Variants in TEAD1 observed in about 807,000 individuals in gnomAD.
The protein encoded by TEAD1 is TEA domain transcription factor 1, also known as transcriptional enhancer factor TEF-1.
TEAD1 carries 9 observed loss-of-function variants against 54.9 expected under a neutral mutation model. That is an observed-to-expected ratio of 0.16 (90% CI 0.10 to 0.29). The LOEUF (loss-of-function observed/expected upper bound fraction) is 0.29. Ranked by LOEUF, TEAD1 falls within the 10% of genes least tolerant of loss-of-function variation. The pLI is 1.00. For missense variants in TEAD1, 387 were observed against 535.9 expected, an observed-to-expected ratio of 0.72 and a Z score of 2.74; for synonymous variants, 200 against 187.8, an observed-to-expected ratio of 1.07 and a Z score of -0.53.
At chr11:12,835,064 TG>T (rs1564957249) in intron 3 of TEAD1, among the ~76,000 whole-genome samples, 1 of 152,178 alleles carries the variant, frequency 6.6e-6, no homozygotes, top group Non-Finnish European at 1.5e-5. Flanking sequence ...ATCACTTTCA[TG>T]GGGTTCAGAG....
At chr11:12,896,680 G>T (rs1281801132) in intron 9 of TEAD1, among the ~76,000 whole-genome samples, 2 of 152,198 alleles carry the variant, frequency 1.3e-5, no homozygotes, top group African/African-American at 4.8e-5. Context: ...ATATGTAGAA[G>T]TGGTGTTGAC....
rs1218202645 is a variant in TEAD1, at chr11:12,939,751, C to G, written c.*2529C>G. ...TCTAAGGATTTTTAAAAGTTTACTT[C>G]TTGTCTTGTTCTTCTAAAGCTTTCT... On this transcript the variant is annotated 3_prime_UTR_variant, in exon 13 of 13. Coordinates refer to ENST00000527636, the MANE Select transcript of TEAD1 (RefSeq NM_021961.6). 6.6e-6 allele frequency: 1 copy of G among 152,256 alleles called. No homozygotes were observed. The highest frequency in any genetic ancestry group is 1.5e-5 in the Non-Finnish European group (1 of 68,066). 9.4% of individuals were successfully genotyped at this position (152,256 alleles called of 1,614,324 possible). A position where few individuals can be genotyped will look rare whatever the true frequency, so the allele number is the denominator to read the frequency against.
At chr11:12,843,642 C>A (rs1327958099) in intron 3 of TEAD1, among the ~76,000 whole-genome samples, 2 of 152,152 alleles carry the variant, frequency 1.3e-5, no homozygotes, top group Admixed American at 6.5e-5. Context: ...TTCAAATCTG[C>A]AGGGTTTGGT....
intron 2 of TEAD1, among the ~76,000 whole-genome samples, chr11:12,748,427 G>T (rs1377199538): frequency 6.6e-6 from 1 of 152,176 alleles, no homozygotes; most frequent in Non-Finnish European, 1.5e-5. Flanking sequence ...CTAGAATGTT[G>T]GGGTTCTGGA....
chr11:12,934,685 G>T (rs1949069324), intron 12 of TEAD1, among the ~76,000 whole-genome samples: 1 of 151,910 alleles, frequency 6.6e-6, no homozygotes, highest in Non-Finnish European at 1.5e-5. Context: ...TCAGACATCA[G>T]TTTCACCTTG....
intron 3 of TEAD1, among the ~76,000 whole-genome samples, chr11:12,803,183 G>A (rs1432164035): frequency 6.6e-6 from 1 of 150,922 alleles, no homozygotes; most frequent in African/African-American, 2.4e-5. Context: ...CCCTTTCCCC[G>A]AGAGGCTTTC....
chr11:12,864,141 GTAT>G (rs926344329), intron 4 of TEAD1, among the ~76,000 whole-genome samples: 5 of 151,532 alleles, frequency 3.3e-5, no homozygotes, highest in African/African-American at 1.2e-4. Context: ...TTACATGTCA[GTAT>G]TATTTTAACG....
intron 3 of TEAD1, among the ~76,000 whole-genome samples, chr11:12,765,353 G>A (rs898238992): frequency 6.6e-6 from 1 of 152,126 alleles, no homozygotes; most frequent in African/African-American, 2.4e-5. Context: ...AATTGAGCAC[G>A]TTGAGTTGAC....
intron 3 of TEAD1, among the ~76,000 whole-genome samples, chr11:12,795,766 G>A (rs181767240): frequency 1.6e-3 from 248 of 152,308 alleles, no homozygotes; most frequent in South Asian, 2.3e-3. Flanking sequence ...TGGGTGTGCA[G>A]TCAGTTTGAT....
intron 11 of TEAD1, 139 bp downstream of exon 11, chr11:12,925,191 G>A (rs942766120): frequency 1.0e-6 from 1 of 977,024 alleles, no homozygotes; most frequent in African/African-American, 1.6e-5. Context: ...ACACTGCTAT[G>A]AAGAACTACC....
intron 3 of TEAD1, among the ~76,000 whole-genome samples, chr11:12,812,241 A>T (rs893595648): frequency 6.6e-6 from 1 of 152,114 alleles, no homozygotes; most frequent in African/African-American, 2.4e-5. Context: ...TCTTGCCACC[A>T]CTTATTCAGT....
intron 3 of TEAD1, among the ~76,000 whole-genome samples, chr11:12,815,193 A>G (rs970270227): frequency 6.6e-6 from 1 of 152,086 alleles, no homozygotes; most frequent in African/African-American, 2.4e-5. Context: ...AACTGTGTTT[A>G]TCTCCCGCAG....
At chr11:12,806,947 A>C (rs979774369) in intron 3 of TEAD1, among the ~76,000 whole-genome samples, 1 of 152,208 alleles carries the variant, frequency 6.6e-6, no homozygotes, top group Admixed American at 6.5e-5. Flanking sequence ...TGGGGCAAAA[A>C]AAATTACAAA....
At chr11:12,714,376 A>G (rs1465369629) in intron 2 of TEAD1, among the ~76,000 whole-genome samples, 1 of 152,042 alleles carries the variant, frequency 6.6e-6, no homozygotes, top group African/African-American at 2.4e-5. Flanking sequence ...CTGGGGAGAG[A>G]CTGCAAATGC....
chr11:12,724,091 C>T (rs1029881645), intron 2 of TEAD1, among the ~76,000 whole-genome samples: 1 of 152,106 alleles, frequency 6.6e-6, no homozygotes, highest in Non-Finnish European at 1.5e-5. Flanking sequence ...GATTCTTATT[C>T]CCCAGGCTCC....
intron 2 of TEAD1, among the ~76,000 whole-genome samples, chr11:12,701,941 T>G (rs749278835): frequency 2.0e-5 from 3 of 152,232 alleles, no homozygotes; most frequent in Non-Finnish European, 2.9e-5. Flanking sequence ...AAATGTCATT[T>G]GGTTATAGCC....
chr11:12,891,418 C>T (rs775645531), intron 9 of TEAD1, among the ~76,000 whole-genome samples: 2 of 152,170 alleles, frequency 1.3e-5, no homozygotes, highest in African/African-American at 4.8e-5. Context: ...AGGGCAGGGG[C>T]CATGGCTGAG....
intron 3 of TEAD1, among the ~76,000 whole-genome samples, chr11:12,828,803 T>TTTC (rs1396742303): frequency 6.6e-6 from 1 of 151,662 alleles, no homozygotes; most frequent in African/African-American, 2.4e-5. Context: ...TTTTTTTTTT[T>TTTC]TTCTGTATAG....
rs866609265 is a variant in TEAD1, at chr11:12,690,101, C to A, written c.-55+14540C>A. 1.1e-4 allele frequency among the ~76,000 whole-genome samples: 16 copies of A among 151,880 alleles called. No individual in the cohort carries two copies. In the South Asian group the frequency reaches 3.3e-3, roughly 32 times the overall value. On this transcript the variant is annotated intron_variant, in intron 2 of 12. Transcript: ENST00000527636. ...TAAAAAATACAAAAAATTAGCCAGG[C>A]GTGGTGGCGGCCGCCTGTAGTGCCA...
Sources: gnomAD v4.1 joint callset for allele counts (sites outside exome capture counted in the v4.1 genomes callset) on GRCh38, gnomAD v4.1.1 for gene constraint, MANE v1.5 for transcripts, NCBI Gene and HGNC (gene_info 2026-07-23, HGNC 2026-07-21) for gene names.